ABHD18: variants seen among roughly 807,000 people sequenced by gnomAD.
ABHD18 encodes cardiolipin-specific deacylase, mitochondrial.
Under a neutral mutation model 65.9 loss-of-function variants are expected in ABHD18, and 55 were observed. The observed-to-expected ratio is 0.84, with a 90% CI of 0.67 to 1.05. The LOEUF is 1.05. Among genes scored for constraint, ABHD18 ranks in the 50% least tolerant of loss-of-function variants. ABHD18 has a pLI of 0.00. For missense variants in ABHD18, 533 were observed against 558.5 expected, an observed-to-expected ratio of 0.95 and a Z score of 0.46; for synonymous variants, 181 against 180.2, an observed-to-expected ratio of 1.00 and a Z score of -0.04.
At chr4:127,993,197 T>C (rs1412609559) in intron 4 of ABHD18, among the ~76,000 whole-genome samples, 2 of 152,216 alleles carry the variant, frequency 1.3e-5, no homozygotes, top group Admixed American at 6.5e-5. Flanking sequence ...CCTGGAACTA[T>C]GTGTCCCTTT....
In ABHD18 at chr4:128,009,026, T is replaced by G. The variant is rs373527023; in HGVS notation, c.357+28T>G. 9.4e-6 allele frequency: 15 copies of G among 1,591,734 alleles called. No homozygotes were observed. In the African/African-American group the frequency reaches 2.0e-4, roughly 22 times the overall value. On this transcript the variant is annotated intron_variant, in intron 5 of 12. Transcript: ENST00000645843. ...AAGACTTTATTATAATGCCTTAATC[T>G]CTAGATAATTTGTTAACATATTCTC...
rs1386147007 is a variant in ABHD18, at chr4:128,031,856, TG to T, written c.1343+1186del. On this transcript the variant is annotated intron_variant, in intron 12 of 12. Transcript: ENST00000645843. ...ATTCATGCAGCATTTGAGTCCCTATTGGTGAGTGAGCAGACTATCCAATACT... is the reference window on the plus strand; with the variant it reads ...ATTCATGCAGCATTTGAGTCCCTATTGTGAGTGAGCAGACTATCCAATACT... Among the ~76,000 whole-genome samples, 3 of 152,214 alleles carry T rather than the reference TG, an allele frequency of 2.0e-5. 1 individual carries two copies. Among genetic ancestry groups the T allele is most frequent in the African/African-American group, 7.2e-5 (3 of 41,468 alleles).
intron 6 of ABHD18, 115 bp downstream of exon 6, chr4:128,009,306 G>T: frequency 3.6e-6 from 2 of 557,334 alleles, no homozygotes; most frequent in Middle Eastern, 4.4e-4. Context: ...TTAGTCATCA[G>T]TTCAGAAAAT....
At chr4:128,003,395 A>G (rs893827018) in intron 4 of ABHD18, among the ~76,000 whole-genome samples, 1 of 152,008 alleles carries the variant, frequency 6.6e-6, no homozygotes, top group African/African-American at 2.4e-5. Context: ...AATCCAAATA[A>G]TACAGATTCT....
intron 8 of ABHD18, among the ~76,000 whole-genome samples, chr4:128,019,164 T>C (rs1756047459): frequency 6.6e-6 from 1 of 152,108 alleles, no homozygotes; most frequent in Non-Finnish European, 1.5e-5. Flanking sequence ...TATTAACTGG[T>C]CTCCTACCTC....
At chr4:127,989,607 TA>T in intron 3 of ABHD18, 113 bp from the exon 4 acceptor site, 1 of 582,230 alleles carries the variant, frequency 1.7e-6, no homozygotes, top group South Asian at 2.7e-5. Context: ...GTTTACATAG[TA>T]GGTGCTGAAA....
At chr4:128,026,778 CTTTTCT>C (rs988988243) in intron 10 of ABHD18, among the ~76,000 whole-genome samples, 1 of 150,662 alleles carries the variant, frequency 6.6e-6, no homozygotes, top group African/African-American at 2.4e-5. Context: ...TTTACTATAT[CTTTTCT>C]TTTTCTTTTT....
chr4:128,008,578 A>G (rs559740234), intron 4 of ABHD18, among the ~76,000 whole-genome samples: 1 of 152,200 alleles, frequency 6.6e-6, no homozygotes, highest in Admixed American at 6.5e-5. Flanking sequence ...CCTGGCCAAT[A>G]GTTACTTCTT....
At chr4:127,967,948 G>A (rs150160170) in intron 1 of ABHD18, among the ~76,000 whole-genome samples, 3,877 of 152,208 alleles carry the variant, frequency 0.025, 85 homozygotes, top group Non-Finnish European at 0.035. Flanking sequence ...ACAGCCGGGC[G>A]CGGTGGCTCA....
chr4:127,965,590 C>G lies in ABHD18; in HGVS notation c.-34C>G, dbSNP rs190141957. On this transcript the variant is annotated 5_prime_UTR_variant, in exon 1 of 13. Coordinates refer to ENST00000645843, the MANE Select transcript of ABHD18 (RefSeq NM_001358451.3). ...GAGGCCCGGCCAGCTCGATCGCAGG[C>G]TTCCACCTGGCGGCCAGTAAGTAGC... 0.011 allele frequency: 2,606 copies of G among 228,064 alleles called. 27 individuals are homozygous for G. The highest frequency in any genetic ancestry group is 0.018 in the Non-Finnish European group (1,964 of 111,352). 14.1% of individuals were successfully genotyped at this position (228,064 alleles called of 1,614,324 possible). A position where few individuals can be genotyped will look rare whatever the true frequency, so the allele number is the denominator to read the frequency against.
At chr4:127,981,149 C>G (rs1395489320) in intron 1 of ABHD18, among the ~76,000 whole-genome samples, 1 of 152,124 alleles carries the variant, frequency 6.6e-6, no homozygotes, top group Non-Finnish European at 1.5e-5. Flanking sequence ...CTTACAGTCT[C>G]TAACTTATGG....
At chr4:127,979,612 G>T (rs1001894896) in intron 1 of ABHD18, among the ~76,000 whole-genome samples, 2 of 150,770 alleles carry the variant, frequency 1.3e-5, no homozygotes, top group Non-Finnish European at 3.0e-5. Flanking sequence ...ATAGAACAAG[G>T]TATTAAAATA....
intron 10 of ABHD18, among the ~76,000 whole-genome samples, chr4:128,024,847 C>T (rs1294866717): frequency 3.3e-5 from 5 of 151,922 alleles, no homozygotes; most frequent in Admixed American, 3.3e-4. Flanking sequence ...CATGTGCCAC[C>T]ACGCCCGGCT....
intron 4 of ABHD18, among the ~76,000 whole-genome samples, chr4:127,996,555 G>A (rs771557504): frequency 2.1e-4 from 32 of 152,272 alleles, no homozygotes; most frequent in East Asian, 1.3e-3. Flanking sequence ...TCTATGTCCC[G>A]CTGTACATGC....
Position 128,030,541 on chromosome 4 carries a change from T to C in ABHD18, c.1212T>C (p.Val404=). Residue 404 remains valine, a synonymous_variant, in exon 12 of 13, where the codon GTT becomes GTC. Coordinates refer to ENST00000645843, the MANE Select transcript of ABHD18 (RefSeq NM_001358451.3). The part of the protein sequence containing the change: ...VPVDPSLIIV[V]QAKEDAYIPR... ...TTGATCCAAGCCTCATTATAGTGGT[T>C]CAAGCCAAAGAAGATGCCTATATTC... The C allele has an allele frequency of 6.3e-7, 1 of 1,596,174 alleles. No homozygotes were observed. The highest frequency in any genetic ancestry group is 8.5e-7 in the Non-Finnish European group (1 of 1,176,410).
At position 127,990,163 on chromosome 4, in the gene ABHD18, G is replaced by A. The variant is rs897047464; in HGVS notation, c.278+342G>A. 2.0e-5 allele frequency among the ~76,000 whole-genome samples: 3 copies of A among 152,134 alleles called. No individual in the cohort carries two copies. In the East Asian group the frequency reaches 5.8e-4, roughly 29 times the overall value. ...CAAATGATTTTTTAGTTCCATTTTT[G>A]TAAACACACAAGTATGCACAAACAA... On this transcript the variant is annotated intron_variant, in intron 4 of 12. Coordinates refer to ENST00000645843, the MANE Select transcript of ABHD18 (RefSeq NM_001358451.3).
At chr4:127,972,242 A>G (rs903874198) in intron 1 of ABHD18, among the ~76,000 whole-genome samples, 8 of 152,128 alleles carry the variant, frequency 5.3e-5, no homozygotes, top group Admixed American at 2.6e-4. Flanking sequence ...AGAAAGCTCC[A>G]CCAAGGTTTA....
Position 127,991,068 on chromosome 4 carries a change from C to T in ABHD18, c.278+1247C>T, listed in dbSNP as rs188417295. On this transcript the variant is annotated intron_variant, in intron 4 of 12. Transcript: ENST00000645843. ...TAGTACGGATGGACTTTTGCCATGT[C>T]GGCCAGGCTGTTCTCGACCTCCTGG... is the stretch of plus-strand genomic sequence containing the variant. Among the ~76,000 whole-genome samples the T allele has an allele frequency of 6.9e-4, 105 of 152,180 alleles. 1 individual carries two copies. In the East Asian group the frequency reaches 0.02, roughly 29 times the overall value.
rs1409871835 is a variant in ABHD18 at position 128,001,382 on chromosome 4, C to A, written c.279-7538C>A. Among the ~76,000 whole-genome samples the A allele has an allele frequency of 2.6e-5, 4 of 152,226 alleles. No individual in the cohort carries two copies. The East Asian group carries it at 7.7e-4, about 29-fold the overall frequency. On this transcript the variant is annotated intron_variant, in intron 4 of 12. Coordinates refer to ENST00000645843, the MANE Select transcript of ABHD18 (RefSeq NM_001358451.3). ...ATTTTATCGAAAGCCTTTTCTGTAT[C>A]TATTGAGATGATCATGTGGTTTTTG...
Sources: gnomAD v4.1 joint callset for allele counts (sites outside exome capture counted in the v4.1 genomes callset) on GRCh38, gnomAD v4.1.1 for gene constraint, MANE v1.5 for transcripts, NCBI Gene and HGNC (gene_info 2026-07-23, HGNC 2026-07-21) for gene names.